Variants in CYP4F3 observed in about 807,000 individuals in gnomAD.
CYP4F3 encodes cytochrome P450 4F3.
A neutral mutation model predicts 54.8 loss-of-function variants in CYP4F3; 50 were observed. The ratio of observed to expected loss-of-function variants is 0.91; its 90% confidence interval spans 0.73 to 1.16. The LOEUF (loss-of-function observed/expected upper bound fraction) is 1.16, where lower values mean the gene tolerates loss of function less well. Among genes scored for constraint, CYP4F3 ranks in the 50% most tolerant of loss-of-function variants. CYP4F3 has a pLI of 0.00. For synonymous variants in CYP4F3, 244 were observed against 262.6 expected (o/e 0.93, Z 0.69); for missense variants, 715 against 676.2 (o/e 1.06, Z -0.64).
rs780837211 is a variant in CYP4F3 at position 15,658,392 on chromosome 19, C to T, written c.1244C>T (p.Pro415Leu). Reference sequence around the variant, plus strand: ...GTGCTCCCAGACGGCCGGGTCATCCCCAAAGGTGCCACAGCCTCAGGGGGA... The same window carrying T: ...GTGCTCCCAGACGGCCGGGTCATCCTCAAAGGTGCCACAGCCTCAGGGGGA... The part of the protein sequence containing the change: ...DIVLPDGRVI[P>L]KGIICLISVF... The change falls in exon 10 of 13, where the codon CCC becomes CTC. Residue 415 changes from proline (P) to leucine (L), a missense_variant. Pro to Leu is a moderately conservative substitution (Grantham distance 98). Coordinates refer to ENST00000221307, the MANE Select transcript of CYP4F3 (RefSeq NM_000896.3). The T allele has an allele frequency of 6.2e-7, 1 of 1,613,948 alleles. No individual in the cohort carries two copies. Among genetic ancestry groups the T allele is most frequent in the South Asian group, 1.1e-5 (1 of 91,076 alleles).
Position 15,641,531 on chromosome 19 carries a change from A to T in CYP4F3, c.116A>T (p.Tyr39Phe). Residue 39 changes from tyrosine to phenylalanine, a missense_variant, in exon 2 of 13, where the codon TAT becomes TTT. Transcript: ENST00000221307. The part of the protein sequence containing the change: ...WLLARILAWT[Y>F]TFYDNCCRLR... ...CTGGCCCGCATCCTGGCCTGGACCTATACCTTCTATGACAACTGCTGCCGC... is the reference window on the plus strand; with the variant it reads ...CTGGCCCGCATCCTGGCCTGGACCTTTACCTTCTATGACAACTGCTGCCGC... The T allele has an allele frequency of 6.2e-7, 1 of 1,614,088 alleles. No homozygotes were observed. The highest frequency in any genetic ancestry group is 1.1e-5 in the South Asian group (1 of 91,086).
chr19:15,658,480 C>T lies in CYP4F3; in HGVS notation c.1250-11C>T, dbSNP rs1568403749. 1 of 1,614,054 alleles carries T rather than the reference C, an allele frequency of 6.2e-7. No homozygotes were observed. The highest frequency in any genetic ancestry group is 8.5e-7 in the Non-Finnish European group (1 of 1,180,008). ...GGAGCATTGTCCTGACTGCCCCCTT[C>T]TCTCCCACAGGCATTATCTGCCTCA... On this transcript the variant is annotated splice_polypyrimidine_tract_variant and intron_variant, in intron 10 of 12. Coordinates refer to ENST00000221307, the MANE Select transcript of CYP4F3 (RefSeq NM_000896.3).
chr19:15,645,260 C>T (rs1366192214), intron 2 of CYP4F3, among the ~76,000 whole-genome samples: 1 of 152,196 alleles, frequency 6.6e-6, no homozygotes, highest in Non-Finnish European at 1.5e-5. Context: ...CAATTTTTCA[C>T]CCAGTCCCTG....
chr19:15,647,023 T>A, intron 3 of CYP4F3, 29 bp from the exon 4 acceptor site: 1 of 1,613,228 alleles, frequency 6.2e-7, no homozygotes, highest in African/African-American at 1.3e-5. Context: ...CCTGCCTCCA[T>A]GGCCCCTGAT....
At chr19:15,656,411 G>A (rs1973011543) in intron 9 of CYP4F3, among the ~76,000 whole-genome samples, 1 of 151,972 alleles carries the variant, frequency 6.6e-6, no homozygotes, top group Non-Finnish European at 1.5e-5. Flanking sequence ...TGACAATCCT[G>A]CCACCTGACC....
rs973957883 is a variant in CYP4F3, at chr19:15,654,065, T to G, written c.1115+1113T>G. Among the ~76,000 whole-genome samples, 65 of 147,928 alleles carry G rather than the reference T, an allele frequency of 4.4e-4. 1 individual carries two copies. The highest frequency in any genetic ancestry group is 1.4e-4 in the Non-Finnish European group (9 of 65,826). ...GAATGAGAGCGCAGTGGGGACATTC[T>G]GAGGCTCAAGCCAGGCCAGGGGCTG... On this transcript the variant is annotated intron_variant, in intron 9 of 12. Coordinates refer to ENST00000221307, the MANE Select transcript of CYP4F3 (RefSeq NM_000896.3).
chr19:15,644,106 T>C (rs1599879832), intron 2 of CYP4F3: 4 of 1,466,186 alleles, frequency 2.7e-6, no homozygotes, highest in South Asian at 1.4e-5. Flanking sequence ...GGCCTGCAAG[T>C]CCCTCTATCC....
intron 12 of CYP4F3, 46 bp from the exon 13 acceptor site, chr19:15,659,174 G>A (rs767503391): frequency 1.6e-6 from 2 of 1,249,342 alleles, no homozygotes; most frequent in Non-Finnish European, 1.1e-6. Context: ...ATGGGGCCAG[G>A]ATGGGGCACC....
At chr19:15,646,415 G>A (rs989283967) in intron 3 of CYP4F3, among the ~76,000 whole-genome samples, 1 of 152,160 alleles carries the variant, frequency 6.6e-6, no homozygotes, top group Non-Finnish European at 1.5e-5. Flanking sequence ...GGCATGTGTT[G>A]TAGTATGTTT....
rs895023559 is a variant in CYP4F3, at chr19:15,647,472, A to T, written c.525+148A>T. On this transcript the variant is annotated intron_variant, in intron 5 of 12. Coordinates refer to ENST00000221307, the MANE Select transcript of CYP4F3 (RefSeq NM_000896.3). ...TGGTTTCCTCATCTGTAAAATCCCT[A>T]CTTAAAAGAAGGTCAAGGTGATGTA... 3.6e-6 allele frequency: 5 copies of T among 1,387,608 alleles called. No individual in the cohort carries two copies. In the Admixed American group the frequency reaches 1.2e-4, roughly 32 times the overall value. 86.0% of individuals were successfully genotyped at this position (1,387,608 alleles called of 1,614,324 possible).
chr19:15,655,223 G>T (rs541697577), intron 9 of CYP4F3, among the ~76,000 whole-genome samples: 1 of 152,014 alleles, frequency 6.6e-6, no homozygotes, highest in African/African-American at 2.4e-5. Context: ...TCAGATATTT[G>T]GTTACTTTTC....
chr19:15,647,275 T>A lies in CYP4F3; in HGVS notation c.476T>A (p.Ile159Asn). ...RMLTPAFHFN[I>N]LKPYMKIFNE... ...CTGACGCCTGCCTTCCATTTCAACA[T>A]CCTGAAGCCCTATATGAAGATTTTC... The change falls in exon 5 of 13, where the codon ATC becomes AAC. Residue 159 changes from isoleucine (I) to asparagine (N), a missense_variant. Ile to Asn is a moderately radical substitution (Grantham distance 149). Coordinates refer to ENST00000221307, the MANE Select transcript of CYP4F3 (RefSeq NM_000896.3). The A allele has an allele frequency of 6.2e-7, 1 of 1,614,206 alleles. No homozygotes were observed.
intron 5 of CYP4F3, among the ~76,000 whole-genome samples, chr19:15,647,659 G>A (rs1315802679): frequency 6.6e-6 from 1 of 152,200 alleles, no homozygotes; most frequent in Admixed American, 6.5e-5. Flanking sequence ...AACCAATAAA[G>A]GTTTATGAAT....
chr19:15,659,039 T>C (rs28371501), intron 12 of CYP4F3, among the ~76,000 whole-genome samples, 181 bp from the exon 13 acceptor site: 69,881 of 151,368 alleles, frequency 0.46, 17,322 homozygotes, highest in East Asian at 0.65. Flanking sequence ...GGCTGGGGGG[T>C]TGGAGCTCGG....
rs763368515 is a variant in CYP4F3 at position 15,658,544 on chromosome 19, C to A, written c.1303C>A (p.Pro435Thr). The A allele has an allele frequency of 3.1e-6, 5 of 1,614,160 alleles. No individual in the cohort carries two copies. In the South Asian group the frequency reaches 3.3e-5, roughly 11 times the overall value. The change falls in exon 11 of 13, where the codon CCG becomes ACG. Residue 435 changes from proline to threonine, a missense_variant. Pro to Thr is a conservative substitution (Grantham distance 38). Transcript: ENST00000221307. ...AACCCATCACAACCCAGCCGTGTGG[C>A]CGGACCCTGAGGTGCGGGCCCCCCG... The part of the protein sequence containing the change: ...FGTHHNPAVW[P>T]DPEVYDPFRF...
In CYP4F3 at chr19:15,661,978, A is replaced by G. The variant is rs1973191583; in HGVS notation, c.*2593A>G. 1 of 151,986 alleles carries G rather than the reference A, an allele frequency of 6.6e-6. No homozygotes were observed. Among genetic ancestry groups the G allele is most frequent in the South Asian group, 2.1e-4 (1 of 4,822 alleles). The allele number at this position is 151,986 out of a possible 1,614,324, so 9.4% of individuals were successfully genotyped here. On this transcript the variant is annotated 3_prime_UTR_variant, in exon 13 of 13. Coordinates refer to ENST00000221307, the MANE Select transcript of CYP4F3 (RefSeq NM_000896.3). ...CAATTGTTTCACACAATTTTTTTGA[A>G]AAGAATATCCTTGGCAGGGCACGGT... is the stretch of plus-strand genomic sequence containing the variant.
rs945624675 is a variant in CYP4F3, at chr19:15,660,230, T to G, written c.*845T>G. On this transcript the variant is annotated 3_prime_UTR_variant, in exon 13 of 13. Coordinates refer to ENST00000221307, the MANE Select transcript of CYP4F3 (RefSeq NM_000896.3). Reference sequence around the variant, plus strand: ...ATTTAAAAGGTTTTGTTTCAGTTTGTAAGATTTCTTTTCTGGCACTTTAAT... The same window carrying G: ...ATTTAAAAGGTTTTGTTTCAGTTTGGAAGATTTCTTTTCTGGCACTTTAAT... 1 of 152,230 alleles carries G rather than the reference T, an allele frequency of 6.6e-6. No individual in the cohort carries two copies. The highest frequency in any genetic ancestry group is 6.5e-5 in the Admixed American group (1 of 15,288). 9.4% of individuals were successfully genotyped at this position (152,230 alleles called of 1,614,324 possible).
intron 9 of CYP4F3, among the ~76,000 whole-genome samples, chr19:15,655,855 C>T (rs532847324): frequency 4.3e-4 from 66 of 152,290 alleles, no homozygotes; most frequent in African/African-American, 1.6e-3. Flanking sequence ...TATATGTATA[C>T]AACCTGAAAT....
chr19:15,654,960 A>G (rs901956912), intron 9 of CYP4F3, among the ~76,000 whole-genome samples: 5 of 152,166 alleles, frequency 3.3e-5, no homozygotes, highest in Admixed American at 2.0e-4. Flanking sequence ...TGTTCTCTGC[A>G]GTGGCTGCAC....
Sources: allele counts gnomAD v4.1 joint callset (sites outside exome capture counted in the v4.1 genomes callset), GRCh38; gene constraint gnomAD v4.1.1; transcripts MANE v1.5; gene names NCBI Gene and HGNC (gene_info 2026-07-23, HGNC 2026-07-21).